The following LRBA variants were observed in gnomAD, a reference collection of about 807,000 sequenced individuals.
The protein encoded by LRBA is lipopolysaccharide-responsive and beige-like anchor protein.
A neutral mutation model predicts 330.0 loss-of-function variants in LRBA; 176 were observed. That is an observed-to-expected ratio of 0.53 (90% CI 0.47 to 0.60). LRBA has a LOEUF of 0.60. Among genes scored for constraint, LRBA ranks in the 20% least tolerant of loss-of-function variants. The pLI is 0.00. For synonymous variants in LRBA, 1,230 were observed against 1,193.0 expected (o/e 1.03, Z -0.64); for missense variants, 3,259 against 3,444.8 (o/e 0.95, Z 1.35).
At chr4:150,579,668 G>A (rs1164453537) in intron 40 of LRBA, 1 of 456,762 alleles carries the variant, frequency 2.2e-6, no homozygotes, top group South Asian at 1.5e-5. Context: ...GCCAGTGGAG[G>A]TGCAGCGGAG....
At chr4:150,671,408 C>G (rs1381378555) in intron 37 of LRBA, among the ~76,000 whole-genome samples, 1 of 152,010 alleles carries the variant, frequency 6.6e-6, no homozygotes, top group African/African-American at 2.4e-5. Context: ...GAATCTTTTC[C>G]TTTTCGTAGG....
chr4:150,837,944 C>T (rs1748413556), intron 28 of LRBA, among the ~76,000 whole-genome samples: 1 of 152,104 alleles, frequency 6.6e-6, no homozygotes, highest in Admixed American at 6.5e-5. Context: ...TGTTCCTTTC[C>T]ATGTTTAGTG....
At chr4:150,732,580 T>C (rs975195450) in intron 36 of LRBA, among the ~76,000 whole-genome samples, 2 of 152,034 alleles carry the variant, frequency 1.3e-5, no homozygotes, top group African/African-American at 4.8e-5. Flanking sequence ...TTAGGTTCTT[T>C]TGTGAATTTC....
chr4:150,382,648 C>A (rs1742457316), intron 47 of LRBA, among the ~76,000 whole-genome samples: 1 of 150,874 alleles, frequency 6.6e-6, no homozygotes, highest in Non-Finnish European at 1.5e-5. Context: ...GAAGACCAGG[C>A]TCTGAAAAGT....
chr4:150,644,331 CAG>C (rs530506953), intron 37 of LRBA, among the ~76,000 whole-genome samples: 4 of 151,814 alleles, frequency 2.6e-5, no homozygotes, highest in Non-Finnish European at 5.9e-5. Context: ...CTCATCAAAA[CAG>C]AATCTCTTCA....
chr4:150,621,777 T>C (rs1336920173), intron 37 of LRBA, among the ~76,000 whole-genome samples: 1 of 152,268 alleles, frequency 6.6e-6, no homozygotes, highest in Non-Finnish European at 1.5e-5. Context: ...TTTACTTTCC[T>C]ATTATGTATT....
chr4:150,410,058 A>AT (rs1449270080), intron 47 of LRBA, among the ~76,000 whole-genome samples: 1 of 152,094 alleles, frequency 6.6e-6, no homozygotes, highest in African/African-American at 2.4e-5. Flanking sequence ...CAAAAAAAAC[A>AT]ATTTGAAAAA....
At chr4:150,637,481 G>A (rs1268529207) in intron 37 of LRBA, among the ~76,000 whole-genome samples, 1 of 152,088 alleles carries the variant, frequency 6.6e-6, no homozygotes, top group African/African-American at 2.4e-5. Context: ...ATCCCTCCTT[G>A]AGTAATTTGC....
intron 47 of LRBA, among the ~76,000 whole-genome samples, chr4:150,413,996 A>G (rs115227157): frequency 4.0e-4 from 61 of 152,282 alleles, no homozygotes; most frequent in African/African-American, 1.4e-3. Context: ...ATCTTTAAAA[A>G]TTCTTGGGGT....
chr4:150,561,079 T>G (rs1213217942), intron 40 of LRBA, among the ~76,000 whole-genome samples: 1 of 152,160 alleles, frequency 6.6e-6, no homozygotes, highest in Admixed American at 6.6e-5. Context: ...TACCAAAACA[T>G]AATTCTTTCT....
At chr4:150,366,788 A>C in intron 47 of LRBA, among the ~76,000 whole-genome samples, 1 of 152,192 alleles carries the variant, frequency 6.6e-6, no homozygotes, top group East Asian at 1.9e-4. Context: ...CTGATTGGAA[A>C]AGAGAAGCCA....
chr4:150,777,229 G>A (rs1053023476), intron 34 of LRBA, among the ~76,000 whole-genome samples: 3 of 151,976 alleles, frequency 2.0e-5, no homozygotes, highest in African/African-American at 7.3e-5. Context: ...AAAGTGTTGG[G>A]AATATTGGTA....
chr4:150,794,091 A>G (rs1740400927), intron 34 of LRBA, among the ~76,000 whole-genome samples: 1 of 152,252 alleles, frequency 6.6e-6, no homozygotes, highest in African/African-American at 2.4e-5. Flanking sequence ...GCAGCTAACA[A>G]AAGTCACCAA....
At chr4:150,447,061 C>G (rs1369514709) in intron 44 of LRBA, among the ~76,000 whole-genome samples, 2 of 152,078 alleles carry the variant, frequency 1.3e-5, no homozygotes, top group Non-Finnish European at 2.9e-5. Flanking sequence ...AATAGCTGGA[C>G]AGGGTTTTGG....
intron 36 of LRBA, among the ~76,000 whole-genome samples, chr4:150,694,199 T>C (rs907957382): frequency 2.6e-5 from 4 of 152,120 alleles, no homozygotes; most frequent in African/African-American, 9.7e-5. Context: ...CATCATTCCA[T>C]GTCAGGACCT....
At chr4:150,884,162 ACCT>A (rs1472970498) in intron 17 of LRBA, among the ~76,000 whole-genome samples, 3 of 152,176 alleles carry the variant, frequency 2.0e-5, no homozygotes, top group African/African-American at 4.8e-5. Context: ...AACAGGGCAA[ACCT>A]ATTCAGGGTA....
chr4:150,927,001 G>A (rs908421956), intron 4 of LRBA, among the ~76,000 whole-genome samples: 6 of 151,672 alleles, frequency 4.0e-5, no homozygotes, highest in African/African-American at 1.5e-4. Context: ...AACCCAGGAG[G>A]TGGAGGTTGC....
intron 9 of LRBA, among the ~76,000 whole-genome samples, chr4:150,909,231 C>T (rs1299310335): frequency 6.6e-6 from 1 of 152,106 alleles, no homozygotes; most frequent in African/African-American, 2.4e-5. Flanking sequence ...ATCTCTAGAA[C>T]TTTTATATCT....
intron 47 of LRBA, among the ~76,000 whole-genome samples, chr4:150,389,191 A>G (rs1490895747): frequency 6.6e-6 from 1 of 152,010 alleles, no homozygotes; most frequent in Non-Finnish European, 1.5e-5. Context: ...GGAAAATGCC[A>G]ATTAAGAAAT....
Sources: allele counts gnomAD v4.1 joint callset (sites outside exome capture counted in the v4.1 genomes callset), GRCh38; gene constraint gnomAD v4.1.1; transcripts MANE v1.5; gene names NCBI Gene and HGNC (gene_info 2026-07-23, HGNC 2026-07-21).